Variants in NOL4 observed in about 807,000 individuals in gnomAD.
NOL4 encodes the protein cancer/testis antigen 125.
Under a neutral mutation model 75.9 loss-of-function variants are expected in NOL4, and 17 were observed. The observed-to-expected ratio is 0.22, with a 90% CI of 0.15 to 0.34. NOL4 has a LOEUF of 0.34. Among genes scored for constraint, NOL4 ranks in the 10% least tolerant of loss-of-function variants. The probability of loss-of-function intolerance (pLI) is 1.00; values close to 1 mark genes in which losing one functional copy is unlikely to be tolerated. For synonymous variants in NOL4, 292 were observed against 289.9 expected (o/e 1.01, Z -0.07); for missense variants, 614 against 793.5 (o/e 0.77, Z 2.72).
chr18:34,080,750 C>A (rs2077971875), intron 5 of NOL4, among the ~76,000 whole-genome samples: 1 of 152,062 alleles, frequency 6.6e-6, no homozygotes, highest in Admixed American at 6.6e-5. Flanking sequence ...TTAGAAAACA[C>A]ATGTTTAACT....
intron 9 of NOL4, among the ~76,000 whole-genome samples, chr18:33,888,716 A>G (rs1185061798): frequency 2.0e-5 from 3 of 152,080 alleles, no homozygotes; most frequent in Non-Finnish European, 4.4e-5. Context: ...TTTATCAAAG[A>G]TCAGATGGTT....
intron 5 of NOL4, among the ~76,000 whole-genome samples, chr18:34,026,363 A>T (rs1014714111): frequency 1.3e-5 from 2 of 152,140 alleles, no homozygotes; most frequent in Non-Finnish European, 2.9e-5. Flanking sequence ...AGTTCCTGCT[A>T]AGAAGCCTCT....
intron 6 of NOL4, among the ~76,000 whole-genome samples, chr18:33,979,502 G>A (rs897044445): frequency 3.3e-5 from 5 of 151,788 alleles, no homozygotes; most frequent in African/African-American, 1.2e-4. Context: ...TGTACTACTT[G>A]GTAAAGACAC....
chr18:34,113,966 G>A (rs1424463788), intron 2 of NOL4, among the ~76,000 whole-genome samples: 1 of 152,152 alleles, frequency 6.6e-6, no homozygotes, highest in Non-Finnish European at 1.5e-5. Flanking sequence ...GTCCCTCAAG[G>A]TAGCCCATTT....
At chr18:34,164,480 A>C (rs963494309) in intron 1 of NOL4, among the ~76,000 whole-genome samples, 31 of 152,370 alleles carry the variant, frequency 2.0e-4, no homozygotes, top group African/African-American at 2.4e-4. Flanking sequence ...CAGCCAAAAA[A>C]CACATGAAAA....
At chr18:33,895,057 T>C (rs1031144974) in intron 9 of NOL4, among the ~76,000 whole-genome samples, 1 of 152,136 alleles carries the variant, frequency 6.6e-6, no homozygotes, top group Admixed American at 6.6e-5. Context: ...ACTGTGTACA[T>C]ATATCAAAAC....
intron 1 of NOL4, among the ~76,000 whole-genome samples, chr18:34,158,829 A>G (rs1010244075): frequency 6.6e-6 from 1 of 152,216 alleles, no homozygotes; most frequent in African/African-American, 2.4e-5. Context: ...GTCTGCTAAT[A>G]GAAGAGGCGT....
At chr18:34,155,094 T>C (rs949355019) in intron 1 of NOL4, among the ~76,000 whole-genome samples, 23 of 151,870 alleles carry the variant, frequency 1.5e-4, no homozygotes, top group African/African-American at 5.1e-4. Context: ...AATGAAAGGA[T>C]GACAAGAGTA....
intron 1 of NOL4, among the ~76,000 whole-genome samples, chr18:34,207,544 G>T (rs540131597): frequency 6.6e-6 from 1 of 152,262 alleles, no homozygotes; most frequent in East Asian, 1.9e-4. Context: ...CTTTGCCATG[G>T]TGCTTTGCAT....
At chr18:33,993,226 T>C (rs116472396) in intron 6 of NOL4, among the ~76,000 whole-genome samples, 1,777 of 151,982 alleles carry the variant, frequency 0.012, 32 homozygotes, top group African/African-American at 0.04. Flanking sequence ...CAGTGCATTG[T>C]TGAAAATAAT....
intron 2 of NOL4, among the ~76,000 whole-genome samples, chr18:34,128,675 A>T (rs1483959327): frequency 6.6e-6 from 1 of 151,946 alleles, no homozygotes; most frequent in Admixed American, 6.6e-5. Context: ...CAAACCATGC[A>T]ATTTGGAAAC....
chr18:33,977,846 T>C (rs1233118279), intron 6 of NOL4, among the ~76,000 whole-genome samples: 1 of 152,178 alleles, frequency 6.6e-6, no homozygotes, highest in Non-Finnish European at 1.5e-5. Context: ...ATCATTCTCA[T>C]GAAGTTTAAC....
chr18:33,865,333 T>C (rs955884840), intron 10 of NOL4, among the ~76,000 whole-genome samples: 1 of 152,150 alleles, frequency 6.6e-6, no homozygotes, highest in African/African-American at 2.4e-5. Context: ...TAATACTGAA[T>C]ATAACGTAAA....
intron 5 of NOL4, among the ~76,000 whole-genome samples, chr18:34,053,811 C>G (rs1409641523): frequency 6.6e-6 from 1 of 151,742 alleles, no homozygotes; most frequent in Non-Finnish European, 1.5e-5. Flanking sequence ...ATAAAATATT[C>G]AATACTCTAT....
intron 5 of NOL4, among the ~76,000 whole-genome samples, chr18:34,032,361 A>G (rs2075679050): frequency 6.6e-6 from 1 of 152,098 alleles, no homozygotes; most frequent in South Asian, 2.1e-4. Context: ...ACACCCACAC[A>G]CACCATCAGG....
intron 6 of NOL4, among the ~76,000 whole-genome samples, chr18:33,963,466 T>G (rs2145794259): frequency 6.6e-6 from 1 of 152,302 alleles, no homozygotes; most frequent in South Asian, 2.1e-4. Flanking sequence ...CTGCCTTGCC[T>G]TAATAAGAAC....
rs1397466874 is a variant in NOL4 at position 34,223,641 on chromosome 18, G to C, written c.-388C>G. The C allele has an allele frequency of 4.4e-5, 8 of 182,664 alleles. No individual in the cohort carries two copies. In the South Asian group the frequency reaches 1.0e-3, roughly 23 times the overall value. 11.3% of individuals were successfully genotyped at this position (182,664 alleles called of 1,614,324 possible). Reference sequence around the variant, plus strand: ...AAAAATCCCAATATTGAATTGGGGTGGTCCCTAGACGCCTCGCCCCCGGGC... The same window carrying C: ...AAAAATCCCAATATTGAATTGGGGTCGTCCCTAGACGCCTCGCCCCCGGGC... On this transcript the variant is annotated 5_prime_UTR_variant, in exon 1 of 11. Coordinates refer to ENST00000261592, the MANE Select transcript of NOL4 (RefSeq NM_003787.5).
At chr18:33,892,000 C>A (rs1252794466) in intron 9 of NOL4, among the ~76,000 whole-genome samples, 2 of 151,954 alleles carry the variant, frequency 1.3e-5, no homozygotes, top group Non-Finnish European at 2.9e-5. Context: ...GACTTTTGGG[C>A]AAAAGTTTAA....
intron 5 of NOL4, among the ~76,000 whole-genome samples, chr18:34,062,923 A>G (rs998908712): frequency 6.6e-6 from 1 of 152,142 alleles, no homozygotes; most frequent in African/African-American, 2.4e-5. Flanking sequence ...GACATTTTCA[A>G]ATTTGTCAAA....
Sources: allele counts gnomAD v4.1 joint callset (sites outside exome capture counted in the v4.1 genomes callset), GRCh38; gene constraint gnomAD v4.1.1; transcripts MANE v1.5; gene names NCBI Gene and HGNC (gene_info 2026-07-23, HGNC 2026-07-21).